Variants in WDPCP observed in about 807,000 individuals in gnomAD.
The protein encoded by WDPCP is WD repeat-containing and planar cell polarity effector protein fritz homolog.
WDPCP carries 71 observed loss-of-function variants against 93.1 expected under a neutral mutation model. The ratio of observed to expected loss-of-function variants is 0.76; its 90% confidence interval spans 0.63 to 0.93. WDPCP has a LOEUF of 0.93. Among genes scored for constraint, WDPCP ranks in the 40% least tolerant of loss-of-function variants. WDPCP has a pLI of 0.00. For missense variants in WDPCP, 844 were observed against 887.4 expected (o/e 0.95, Z 0.62); for synonymous variants, 315 against 315.0 (o/e 1.00, Z 0.00).
At chr2:63,615,855 T>C (rs1478927384) in intron 3 of WDPCP, among the ~76,000 whole-genome samples, 1 of 152,206 alleles carries the variant, frequency 6.6e-6, no homozygotes, top group Non-Finnish European at 1.5e-5. Context: ...TCTCTTACTT[T>C]GTGGCCCTGA....
In WDPCP at chr2:63,221,031, T is replaced by C. The variant is rs13383736; in HGVS notation, c.1915+38276A>G. ...CATCCCTGTCCCTCAAAGGACATGA[T>C]CCTATTCTTTTTATGGCTGTATAGT... On this transcript the variant is annotated intron_variant, in intron 14 of 17. Coordinates refer to ENST00000272321, the MANE Select transcript of WDPCP (RefSeq NM_015910.7). Among the ~76,000 whole-genome samples the C allele has an allele frequency of 4.5e-3, 685 of 152,328 alleles. 6 individuals are homozygous for C. Among genetic ancestry groups the C allele is most frequent in the African/African-American group, 0.016 (649 of 41,570 alleles).
intron 12 of WDPCP, among the ~76,000 whole-genome samples, chr2:63,340,649 C>A (rs1688770073): frequency 6.6e-6 from 1 of 152,096 alleles, no homozygotes; most frequent in Non-Finnish European, 1.5e-5. Context: ...TGTTGCCAGG[C>A]AGAATAGGAG....
At chr2:63,273,859 T>A (rs568627102) in intron 13 of WDPCP, among the ~76,000 whole-genome samples, 3 of 151,342 alleles carry the variant, frequency 2.0e-5, no homozygotes, top group Middle Eastern at 3.4e-3. Flanking sequence ...AGAACAAATA[T>A]TGTTACATAT....
At chr2:63,766,970 C>T (rs1171508948) in intron 2 of WDPCP, among the ~76,000 whole-genome samples, 1 of 152,012 alleles carries the variant, frequency 6.6e-6, no homozygotes, top group Non-Finnish European at 1.5e-5. Context: ...ATTCTAAGTT[C>T]ATCTTGTCCT....
intron 2 of WDPCP, among the ~76,000 whole-genome samples, chr2:63,739,464 T>C (rs1669684902): frequency 6.6e-6 from 1 of 152,186 alleles, no homozygotes; most frequent in Non-Finnish European, 1.5e-5. Context: ...TCTTTGCTAC[T>C]GTGAATAGTG....
At chr2:63,565,102 A>G (rs1706938849) in intron 1 of WDPCP, among the ~76,000 whole-genome samples, 1 of 152,140 alleles carries the variant, frequency 6.6e-6, no homozygotes, top group Non-Finnish European at 1.5e-5. Context: ...AAAAGATCAG[A>G]CTACTGTCCA....
rs559608554 is a variant in WDPCP at position 63,423,965 on chromosome 2, C to T, written c.825+9780G>A. On this transcript the variant is annotated intron_variant, in intron 9 of 17. Coordinates refer to ENST00000272321, the MANE Select transcript of WDPCP (RefSeq NM_015910.7). ...TCTTCAGAGAAAAAACACTGACATT[C>T]AATAGAGAGGGATATAGACACGAAG... Among the ~76,000 whole-genome samples, 14 of 152,046 alleles carry T rather than the reference C, an allele frequency of 9.2e-5. 1 individual carries two copies. The East Asian group carries it at 2.3e-3, about 25-fold the overall frequency.
At chr2:63,287,066 T>C (rs975919694) in intron 13 of WDPCP, among the ~76,000 whole-genome samples, 2 of 152,236 alleles carry the variant, frequency 1.3e-5, no homozygotes, top group Admixed American at 1.3e-4. Context: ...ACCTTCTTGC[T>C]GTGTCCTCAC....
At chr2:63,326,347 G>T (rs1383984636) in intron 12 of WDPCP, among the ~76,000 whole-genome samples, 1 of 152,126 alleles carries the variant, frequency 6.6e-6, no homozygotes, top group Non-Finnish European at 1.5e-5. Flanking sequence ...TATGTTGATG[G>T]AGGTTCGTTT....
At chr2:63,154,244 A>T (rs1332214791) in intron 15 of WDPCP, among the ~76,000 whole-genome samples, 1 of 151,960 alleles carries the variant, frequency 6.6e-6, no homozygotes, top group Non-Finnish European at 1.5e-5. Context: ...TGTTATTACC[A>T]TTACAAACAG....
intron 14 of WDPCP, among the ~76,000 whole-genome samples, chr2:63,206,804 T>G (rs1676371476): frequency 6.6e-6 from 1 of 152,224 alleles, no homozygotes; most frequent in South Asian, 2.1e-4. Flanking sequence ...ATTTTTAATT[T>G]ACTTACAAGC....
At chr2:63,447,326 T>C (rs570264874) in intron 6 of WDPCP, among the ~76,000 whole-genome samples, 4 of 152,264 alleles carry the variant, frequency 2.6e-5, no homozygotes, top group African/African-American at 9.6e-5. Flanking sequence ...TCTTGCCTTA[T>C]AAAATTTTTA....
chr2:63,393,469 T>A (rs2105050747), intron 10 of WDPCP, among the ~76,000 whole-genome samples: 2 of 152,142 alleles, frequency 1.3e-5, no homozygotes, highest in East Asian at 1.9e-4. Flanking sequence ...ACATGTCACA[T>A]GTATACCTAT....
chr2:63,675,622 G>T lies in WDPCP; in HGVS notation n.309-24784C>A, dbSNP rs377607409. Among the ~76,000 whole-genome samples the T allele has an allele frequency of 1.5e-4, 23 of 152,040 alleles. No individual in the cohort carries two copies. The East Asian group carries it at 2.5e-3, about 17-fold the overall frequency. On this transcript the variant is annotated intron_variant and non_coding_transcript_variant, in intron 2 of 4. Coordinates refer to the WDPCP transcript ENST00000467687. ...AATTATGCTTAGTCCTCCAAATTTG[G>T]CATTTTCTATTTAAATCTAGTGTGG...
intron 9 of WDPCP, among the ~76,000 whole-genome samples, chr2:63,418,212 A>T (rs1323321976): frequency 6.6e-6 from 1 of 152,188 alleles, no homozygotes; most frequent in Non-Finnish European, 1.5e-5. Context: ...GACATCTCTC[A>T]TCTTATATTC....
intron 1 of WDPCP, among the ~76,000 whole-genome samples, chr2:63,531,516 T>A (rs113208863): frequency 0.033 from 4,970 of 152,112 alleles, 143 homozygotes; most frequent in Non-Finnish European, 0.048. Context: ...GCAGCAACAT[T>A]TACTATTCTG....
the WDPCP span, among the ~76,000 whole-genome samples, chr2:63,837,223 C>T: frequency 1.3e-5 from 2 of 152,214 alleles, no homozygotes; most frequent in African/African-American, 4.8e-5. Flanking sequence ...ACAACTCATT[C>T]ATTAGTAGTC....
intron 1 of WDPCP, among the ~76,000 whole-genome samples, chr2:63,587,858 G>A (rs1174851196): frequency 2.6e-5 from 4 of 152,236 alleles, no homozygotes; most frequent in Non-Finnish European, 4.4e-5. Context: ...AAAGGGAATG[G>A]ACAAAACTCA....
chr2:63,784,765 T>C (rs969995550), intron 2 of WDPCP, among the ~76,000 whole-genome samples: 3 of 152,156 alleles, frequency 2.0e-5, no homozygotes, highest in Non-Finnish European at 2.9e-5. Context: ...TCACAACCCA[T>C]GTATACAACT....
Sources: gnomAD v4.1 joint callset for allele counts (sites outside exome capture counted in the v4.1 genomes callset) on GRCh38, gnomAD v4.1.1 for gene constraint, MANE v1.5 for transcripts, NCBI Gene and HGNC (gene_info 2026-07-23, HGNC 2026-07-21) for gene names.